The following HERC1 variants were observed in gnomAD, a reference collection of about 807,000 sequenced individuals.
HERC1 encodes HECT and RLD domain containing E3 ubiquitin protein ligase family member 1, also known as probable E3 ubiquitin-protein ligase HERC1.
HERC1 carries 160 observed loss-of-function variants against 554.3 expected under a neutral mutation model. That is an observed-to-expected ratio of 0.29 (90% CI 0.25 to 0.33). The LOEUF is 0.33. Among genes scored for constraint, HERC1 ranks in the 10% least tolerant of loss-of-function variants. The pLI is 1.00. For missense variants in HERC1, 4,919 were observed against 5,918.5 expected (o/e 0.83, Z 5.54); for synonymous variants, 2,175 against 2,131.7 (o/e 1.02, Z -0.56).
chr15:63,811,028 A>G (rs529008367), intron 1 of HERC1, among the ~76,000 whole-genome samples: 68 of 150,974 alleles, frequency 4.5e-4, no homozygotes, highest in African/African-American at 1.0e-3. Context: ...GTCATTTGGG[A>G]AAAAAAAAGG....
At chr15:63,790,569 C>T (rs2076615607) in intron 1 of HERC1, among the ~76,000 whole-genome samples, 2 of 151,692 alleles carry the variant, frequency 1.3e-5, no homozygotes, top group Admixed American at 1.3e-4. Flanking sequence ...CACAGCAAGA[C>T]TCCGTCTCAA....
intron 12 of HERC1, among the ~76,000 whole-genome samples, chr15:63,741,410 C>T (rs1166705556): frequency 3.3e-5 from 5 of 151,880 alleles, no homozygotes; most frequent in African/African-American, 4.8e-5. Flanking sequence ...CTGCAACCTC[C>T]GCTTCCTGGG....
At chr15:63,822,400 A>G (rs1464673405) in intron 1 of HERC1, among the ~76,000 whole-genome samples, 2 of 152,180 alleles carry the variant, frequency 1.3e-5, no homozygotes, top group Admixed American at 6.5e-5. Context: ...AGCCTGACCA[A>G]CATGGTGAAC....
At chr15:63,723,096 T>C (rs908897622) in intron 19 of HERC1, 86 bp downstream of exon 19, 1 of 808,618 alleles carries the variant, frequency 1.2e-6, no homozygotes, top group Non-Finnish European at 1.7e-6. Flanking sequence ...GTGATCCCTA[T>C]AATTTTCACT....
rs74802579 is a variant in HERC1, at chr15:63,650,417, CT to C, written c.10547-493del. The stretch of plus-strand genomic sequence containing the variant: ...AATAAAATTAATGTTTTTCTGTAAC[CT>C]TTTTTTTTTTTTTGAAAGAGGGTCT... On this transcript the variant is annotated intron_variant, in intron 53 of 77. Coordinates refer to ENST00000443617, the MANE Select transcript of HERC1 (RefSeq NM_003922.4). 6.5e-3 allele frequency among the ~76,000 whole-genome samples: 922 copies of C among 142,714 alleles called. 1 individual carries two copies. The highest frequency in any genetic ancestry group is 0.011 in the Middle Eastern group (3 of 276). The allele number at this position is 142,714 out of a possible 152,430, so 93.6% of individuals were successfully genotyped here.
chr15:63,714,686 T>C (rs897238269), intron 22 of HERC1, among the ~76,000 whole-genome samples: 3 of 151,714 alleles, frequency 2.0e-5, no homozygotes, highest in East Asian at 1.9e-4. Context: ...GTAGCTGGTA[T>C]TACAGATGCG....
intron 77 of HERC1, among the ~76,000 whole-genome samples, chr15:63,611,712 T>C (rs186982959): frequency 4.9e-4 from 74 of 152,340 alleles, no homozygotes; most frequent in African/African-American, 1.8e-3. Flanking sequence ...GGGAAGGTTG[T>C]TGGTTGTAGT....
intron 1 of HERC1, 76 bp downstream of exon 1, chr15:63,833,751 G>GCACACACACACACACACACA (rs1327103352): frequency 5.5e-5 from 4 of 72,342 alleles, no homozygotes; most frequent in Non-Finnish European, 1.0e-4. Context: ...ACACGCGCGC[G>GCACACACACACACACACACA]CGCACACACA....
At chr15:63,807,515 G>C (rs146533626) in intron 1 of HERC1, among the ~76,000 whole-genome samples, 1 of 152,200 alleles carries the variant, frequency 6.6e-6, no homozygotes, top group African/African-American at 2.4e-5. Context: ...CTTCCCAATA[G>C]TGTTAGGCCT....
At chr15:63,713,306 T>C (rs2153125829) in intron 23 of HERC1, 47 bp downstream of exon 23, 1 of 1,467,900 alleles carries the variant, frequency 6.8e-7, no homozygotes, top group Non-Finnish European at 9.5e-7. Context: ...CATAAAGTAA[T>C]AAAGGGAAGT....
intron 23 of HERC1, 147 bp from the exon 24 acceptor site, chr15:63,713,042 CA>C (rs748509887): frequency 1.5e-5 from 12 of 815,244 alleles, no homozygotes; most frequent in Non-Finnish European, 2.3e-5. Flanking sequence ...TGTCTGAGCA[CA>C]AAGACCTTCT....
intron 71 of HERC1, among the ~76,000 whole-genome samples, chr15:63,624,770 G>A (rs940056619): frequency 3.9e-5 from 6 of 152,056 alleles, no homozygotes; most frequent in African/African-American, 1.4e-4. Context: ...CTCAGGATTA[G>A]GAACTATTAG....
In HERC1 at chr15:63,696,116, T is replaced by C. The variant is rs1036603325; in HGVS notation, c.5121+8A>G. The C allele has an allele frequency of 6.3e-7, 1 of 1,597,242 alleles. No individual in the cohort carries two copies. Among genetic ancestry groups the C allele is most frequent in the Non-Finnish European group, 8.6e-7 (1 of 1,166,112 alleles). On this transcript the variant is annotated splice_region_variant and intron_variant, in intron 27 of 77. Transcript: ENST00000443617. ...TAAAATCTGTATATACTGCAAGGTG[T>C]CACCTACCTGATAGTGATGCAATCG...
rs577692043 is a variant in HERC1, at chr15:63,664,321, G to A, written c.8680+149C>T. On this transcript the variant is annotated intron_variant, in intron 43 of 77. Coordinates refer to ENST00000443617, the MANE Select transcript of HERC1 (RefSeq NM_003922.4). ...ACGATTTAAATAAAATTATGTAAAT[G>A]CATAGAAAATGATATCCAAATAGCT... 381 of 643,378 alleles carry A rather than the reference G, an allele frequency of 5.9e-4. No homozygotes were observed. In the African/African-American group the frequency reaches 6.3e-3, roughly 11 times the overall value. 39.9% of individuals were successfully genotyped at this position (643,378 alleles called of 1,614,324 possible). A position where few individuals can be genotyped will look rare whatever the true frequency, so the allele number is the denominator to read the frequency against.
chr15:63,755,090 T>C (rs1011564596), intron 6 of HERC1, 139 bp downstream of exon 6: 12 of 643,172 alleles, frequency 1.9e-5, no homozygotes, highest in African/African-American at 5.5e-5. Context: ...CTTATCTATA[T>C]AAAATTATCT....
intron 2 of HERC1, among the ~76,000 whole-genome samples, chr15:63,766,666 T>C (rs1243703681): frequency 6.6e-6 from 1 of 152,244 alleles, no homozygotes; most frequent in African/African-American, 2.4e-5. Flanking sequence ...CATTAAAGGT[T>C]AGGGGTTTTT....
intron 19 of HERC1, among the ~76,000 whole-genome samples, 180 bp from the exon 20 acceptor site, chr15:63,719,077 A>C (rs1241711339): frequency 6.6e-6 from 1 of 152,250 alleles, no homozygotes; most frequent in East Asian, 1.9e-4. Flanking sequence ...GCAGTGAACA[A>C]AACTAAATCC....
chr15:63,706,171 A>G (rs758350962), intron 25 of HERC1, among the ~76,000 whole-genome samples: 1 of 152,124 alleles, frequency 6.6e-6, no homozygotes, highest in Non-Finnish European at 1.5e-5. Context: ...TGAGTTAACT[A>G]TACTATTCAT....
At chr15:63,617,265 G>GT (rs1472189928) in intron 74 of HERC1, among the ~76,000 whole-genome samples, 1 of 152,126 alleles carries the variant, frequency 6.6e-6, no homozygotes. Flanking sequence ...GAAGTGTTTG[G>GT]TTTTTTGTCC....
Sources: allele counts gnomAD v4.1 joint callset (sites outside exome capture counted in the v4.1 genomes callset), GRCh38; gene constraint gnomAD v4.1.1; transcripts MANE v1.5; gene names NCBI Gene and HGNC (gene_info 2026-07-23, HGNC 2026-07-21).